FAM135A: variants seen among roughly 807,000 people sequenced by gnomAD.
FAM135A encodes the protein family with sequence similarity 135 member A.
FAM135A carries 79 observed loss-of-function variants against 146.8 expected under a neutral mutation model. The ratio of observed to expected loss-of-function variants is 0.54; its 90% CI spans 0.45 to 0.65. FAM135A has a LOEUF of 0.65. Among genes scored for constraint, FAM135A ranks in the 30% least tolerant of loss-of-function variants. FAM135A has a pLI of 0.00. For missense variants in FAM135A, 1,623 were observed against 1,758.2 expected (o/e 0.92, Z 1.38); for synonymous variants, 562 against 603.6 (o/e 0.93, Z 1.01).
intron 2 of FAM135A, among the ~76,000 whole-genome samples, chr6:70,419,310 T>C (rs1433594560): frequency 6.6e-6 from 1 of 152,108 alleles, no homozygotes. Context: ...TCCCAGCTGC[T>C]TGGGAGGCTG....
At chr6:70,508,761 T>G (rs1411583621) in intron 12 of FAM135A, among the ~76,000 whole-genome samples, 1 of 152,202 alleles carries the variant, frequency 6.6e-6, no homozygotes, top group Non-Finnish European at 1.5e-5. Context: ...GGTTGCCAGA[T>G]GAAATGCAGA....
At chr6:70,549,216 C>G (rs1408213817) in intron 20 of FAM135A, among the ~76,000 whole-genome samples, 1 of 152,050 alleles carries the variant, frequency 6.6e-6, no homozygotes, top group Admixed American at 6.6e-5. Context: ...TTTATGTCCT[C>G]TCCCTTCTGA....
rs1411171682 is a variant in FAM135A at position 70,561,161 on chromosome 6, AG to A, written c.*1242del. On this transcript the variant is annotated 3_prime_UTR_variant, in exon 22 of 22. Transcript: ENST00000418814. ...AATAAATGAACAAATGGCTATCTGG[AG>A]GAACAGCTACAACCCTTGTAATCCT... 1.3e-5 allele frequency: 2 copies of A among 152,306 alleles called. No homozygotes were observed. The highest frequency in any genetic ancestry group is 2.9e-5 in the Non-Finnish European group (2 of 67,952). 9.4% of individuals were successfully genotyped at this position (152,306 alleles called of 1,614,324 possible). A position where few individuals can be genotyped will look rare whatever the true frequency, so the allele number is the denominator to read the frequency against.
chr6:70,416,196 C>T (rs533275864), intron 2 of FAM135A, among the ~76,000 whole-genome samples: 1 of 152,262 alleles, frequency 6.6e-6, no homozygotes, highest in East Asian at 1.9e-4. Context: ...TTCTAATGTA[C>T]TAGAGTTTTC....
intron 5 of FAM135A, among the ~76,000 whole-genome samples, chr6:70,464,667 C>CTT (rs533623758): frequency 6.2e-4 from 62 of 99,350 alleles, no homozygotes; most frequent in Non-Finnish European, 9.8e-4. Context: ...TCTTTTTTTT[C>CTT]TTTTTTTTTT....
intron 5 of FAM135A, among the ~76,000 whole-genome samples, chr6:70,467,002 A>G (rs1033814069): frequency 4.6e-5 from 7 of 152,116 alleles, no homozygotes; most frequent in South Asian, 2.1e-4. Flanking sequence ...CATCTCTTCT[A>G]TGTTGAATCT....
At chr6:70,417,300 A>G (rs1411490449) in intron 2 of FAM135A, among the ~76,000 whole-genome samples, 1 of 148,610 alleles carries the variant, frequency 6.7e-6, no homozygotes, top group Non-Finnish European at 1.5e-5. Flanking sequence ...TATTGCCTCT[A>G]CCTCCCGGAT....
At chr6:70,479,174 G>A (rs1339961939) in intron 8 of FAM135A, among the ~76,000 whole-genome samples, 2 of 152,084 alleles carry the variant, frequency 1.3e-5, no homozygotes, top group Admixed American at 1.3e-4. Context: ...CAATTCATAG[G>A]AGGTTAGCTC....
At chr6:70,494,994 T>C (rs1786896424) in intron 11 of FAM135A, among the ~76,000 whole-genome samples, 1 of 152,168 alleles carries the variant, frequency 6.6e-6, no homozygotes, top group African/African-American at 2.4e-5. Context: ...TTGGGGACAA[T>C]AATAATGCAA....
intron 11 of FAM135A, among the ~76,000 whole-genome samples, chr6:70,496,667 G>C (rs1787347412): frequency 6.6e-6 from 1 of 152,086 alleles, no homozygotes; most frequent in African/African-American, 2.4e-5. Flanking sequence ...AATCCATCCT[G>C]AGTTAATTTT....
intron 5 of FAM135A, among the ~76,000 whole-genome samples, chr6:70,465,285 GT>G (rs1177187953): frequency 5.3e-5 from 8 of 152,062 alleles, no homozygotes; most frequent in Non-Finnish European, 1.0e-4. Context: ...AGACATTTAT[GT>G]TTTTTCTACC....
At chr6:70,417,494 T>G in intron 2 of FAM135A, 1 of 581,860 alleles carries the variant, frequency 1.7e-6, no homozygotes, top group Non-Finnish European at 2.2e-6. Context: ...ATTACAGGCA[T>G]GAACTACTAT....
chr6:70,477,615 A>T (rs565861780), intron 8 of FAM135A, among the ~76,000 whole-genome samples: 16 of 152,190 alleles, frequency 1.1e-4, no homozygotes, highest in African/African-American at 3.4e-4. Context: ...TCTCATGAGA[A>T]CTCACTCACT....
intron 2 of FAM135A, among the ~76,000 whole-genome samples, chr6:70,421,418 C>T (rs1210067202): frequency 6.6e-6 from 1 of 152,204 alleles, no homozygotes; most frequent in Non-Finnish European, 1.5e-5. Flanking sequence ...TTGGACAGAG[C>T]AGCTCTAGAG....
intron 4 of FAM135A, among the ~76,000 whole-genome samples, chr6:70,436,614 A>G (rs1297733282): frequency 6.6e-6 from 1 of 152,082 alleles, no homozygotes; most frequent in Non-Finnish European, 1.5e-5. Context: ...TGTTGGCGAT[A>G]TGAAAAAAAA....
At chr6:70,450,072 A>G (rs1294830858) in intron 4 of FAM135A, among the ~76,000 whole-genome samples, 1 of 152,088 alleles carries the variant, frequency 6.6e-6, no homozygotes. Flanking sequence ...AGAAATGTTT[A>G]TTCATGCACT....
At chr6:70,513,852 T>C (rs975289607) in intron 12 of FAM135A, among the ~76,000 whole-genome samples, 3 of 152,196 alleles carry the variant, frequency 2.0e-5, no homozygotes, top group African/African-American at 4.8e-5. Flanking sequence ...TTCTGGCCTC[T>C]GTAGTCTGAT....
intron 5 of FAM135A, among the ~76,000 whole-genome samples, chr6:70,461,279 CTG>C (rs940070395): frequency 2.0e-5 from 3 of 152,182 alleles, no homozygotes; most frequent in African/African-American, 7.2e-5. Flanking sequence ...AGTTTCTCCT[CTG>C]TGCAGTGTAT....
chr6:70,463,764 A>G (rs911916511), intron 5 of FAM135A, among the ~76,000 whole-genome samples: 4 of 152,258 alleles, frequency 2.6e-5, no homozygotes, highest in Admixed American at 6.5e-5. Context: ...CTCAACAGCC[A>G]TAAATGGAAA....
Sources: gnomAD v4.1 joint callset for allele counts (sites outside exome capture counted in the v4.1 genomes callset) on GRCh38, gnomAD v4.1.1 for gene constraint, MANE v1.5 for transcripts, NCBI Gene and HGNC (gene_info 2026-07-23, HGNC 2026-07-21) for gene names.